ORC5: variants seen among roughly 807,000 people sequenced by gnomAD.
ORC5 encodes protein phosphatase 1, regulatory subunit 117.
In ORC5, 39 loss-of-function variants were observed where a neutral mutation model predicts 58.8. The observed-to-expected ratio is 0.66, with a 90% CI of 0.51 to 0.87. The LOEUF is 0.87. Ranked by LOEUF, ORC5 falls within the 40% of genes least tolerant of loss-of-function variation. The probability of loss-of-function intolerance (pLI) is 0.00; values close to 1 mark genes in which losing one functional copy is unlikely to be tolerated. For synonymous variants in ORC5, 218 were observed against 177.6 expected (o/e 1.23, Z -1.81); for missense variants, 493 against 506.3 (o/e 0.97, Z 0.25).
At chr7:104,141,339 T>C (rs1350561053) in intron 12 of ORC5, among the ~76,000 whole-genome samples, 1 of 152,152 alleles carries the variant, frequency 6.6e-6, no homozygotes, top group Admixed American at 6.5e-5. Context: ...ATTAAGATCA[T>C]CCAATTACCT....
At chr7:104,131,321 CTT>C (rs1228710494) in intron 13 of ORC5, among the ~76,000 whole-genome samples, 6 of 152,184 alleles carry the variant, frequency 3.9e-5, no homozygotes, top group South Asian at 2.1e-4. Context: ...ATCTTTTTCT[CTT>C]GTTATAACGC....
intron 11 of ORC5, among the ~76,000 whole-genome samples, chr7:104,161,957 A>T (rs543249631): frequency 6.6e-6 from 1 of 152,330 alleles, no homozygotes; most frequent in South Asian, 2.1e-4. Context: ...AAAAAGATCA[A>T]TTACAGTAAG....
At chr7:104,195,372 A>G (rs1799776231) in intron 4 of ORC5, 118 bp from the exon 5 acceptor site, 1 of 542,342 alleles carries the variant, frequency 1.8e-6, no homozygotes, top group Non-Finnish European at 3.2e-6. Flanking sequence ...ATAACAAATT[A>G]TTTGCATATT....
intron 8 of ORC5, among the ~76,000 whole-genome samples, chr7:104,171,635 A>C (rs1201632644): frequency 6.6e-6 from 1 of 152,086 alleles, no homozygotes. Context: ...TCTCCTCAAA[A>C]CAGTACTTTC....
At chr7:104,137,962 CA>C (rs1798616427) in intron 12 of ORC5, among the ~76,000 whole-genome samples, 1 of 152,198 alleles carries the variant, frequency 6.6e-6, no homozygotes, top group Non-Finnish European at 1.5e-5. Flanking sequence ...CTATAGATGG[CA>C]AAACTAAAAG....
intron 8 of ORC5, among the ~76,000 whole-genome samples, chr7:104,181,791 C>CA (rs34988883): frequency 0.19 from 16,614 of 85,408 alleles, 1,138 homozygotes; most frequent in Non-Finnish European, 0.23. Context: ...GACTCCGTCT[C>CA]AAAAAAAAAA....
intron 12 of ORC5, among the ~76,000 whole-genome samples, chr7:104,160,146 C>A (rs1008261570): frequency 2.0e-5 from 3 of 152,084 alleles, no homozygotes; most frequent in Non-Finnish European, 4.4e-5. Flanking sequence ...TCTATACATG[C>A]TGACTTTTAT....
chr7:104,134,379 T>G (rs1385848245), intron 13 of ORC5, among the ~76,000 whole-genome samples: 1 of 127,642 alleles, frequency 7.8e-6, no homozygotes, highest in Non-Finnish European at 1.5e-5. Context: ...CGCACTACTG[T>G]ACTCCAGCCT....
In ORC5 at chr7:104,138,454, AAT is replaced by A. The variant is rs1187512465; in HGVS notation, c.1150-1563_1150-1562del. ...GTAGCTGGTTAGATGAGAGATAAGA[AAT>A]ACATCCTTCAGACCTGGGCTTAGTC... On this transcript the variant is annotated intron_variant, in intron 12 of 13. Coordinates refer to ENST00000297431, the MANE Select transcript of ORC5 (RefSeq NM_002553.4). This position sits in a 1 kb window ranked among gnomAD's most constrained non-coding sequence, Gnocchi z 4.7. Among the ~76,000 whole-genome samples the A allele has an allele frequency of 6.6e-6, 1 of 152,122 alleles. No individual in the cohort carries two copies. Among genetic ancestry groups the A allele is most frequent in the African/African-American group, 2.4e-5 (1 of 41,442 alleles).
intron 1 of ORC5, among the ~76,000 whole-genome samples, chr7:104,204,525 C>T (rs1259717262): frequency 6.6e-6 from 1 of 152,164 alleles, no homozygotes; most frequent in Non-Finnish European, 1.5e-5. Context: ...GTATTTTCAA[C>T]TTCATAGCAG....
At chr7:104,157,113 A>C (rs1029233486) in intron 12 of ORC5, among the ~76,000 whole-genome samples, 1 of 152,008 alleles carries the variant, frequency 6.6e-6, no homozygotes, top group African/African-American at 2.4e-5. Flanking sequence ...AAAAGGAGAA[A>C]GAAGAAAACT....
intron 2 of ORC5, chr7:104,202,559 G>T: frequency 2.2e-6 from 1 of 456,350 alleles, no homozygotes; most frequent in Non-Finnish European, 4.4e-6. Flanking sequence ...ATCAGAAGTA[G>T]TAACAATAAT....
At chr7:104,201,292 C>T (rs1006937094) in intron 2 of ORC5, among the ~76,000 whole-genome samples, 2 of 152,114 alleles carry the variant, frequency 1.3e-5, no homozygotes. Context: ...TGGACAGCCC[C>T]TCTTCTAAGG....
intron 5 of ORC5, among the ~76,000 whole-genome samples, chr7:104,192,604 C>T (rs1799700002): frequency 6.6e-6 from 1 of 151,836 alleles, no homozygotes; most frequent in Non-Finnish European, 1.5e-5. Context: ...GTCCAAAACA[C>T]AACAAAAAGC....
rs537957416 is a variant in ORC5, at chr7:104,126,747, A to G, written c.*101T>C. The G allele has an allele frequency of 2.3e-5, 18 of 796,656 alleles. No homozygotes were observed. Among genetic ancestry groups the G allele is most frequent in the African/African-American group, 2.0e-4 (11 of 56,402 alleles). The allele number at this position is 796,656 out of a possible 1,614,324, so 49.3% of individuals were successfully genotyped here. On this transcript the variant is annotated 3_prime_UTR_variant, in exon 14 of 14. Transcript: ENST00000297431. ...GCCAGCACCTGTTTGGACAAATCCAATAGAGCCAAAGAACTCCTCTCCTTG... is the reference window on the plus strand; with the variant it reads ...GCCAGCACCTGTTTGGACAAATCCAGTAGAGCCAAAGAACTCCTCTCCTTG...
chr7:104,177,157 TCTA>T (rs1799339124), intron 8 of ORC5, among the ~76,000 whole-genome samples: 1 of 152,214 alleles, frequency 6.6e-6, no homozygotes, highest in African/African-American at 2.4e-5. Flanking sequence ...TCGTAAGAAA[TCTA>T]CTTATACTTG....
intron 12 of ORC5, among the ~76,000 whole-genome samples, chr7:104,137,907 T>C (rs911953764): frequency 1.3e-5 from 2 of 152,222 alleles, no homozygotes; most frequent in Non-Finnish European, 2.9e-5. Flanking sequence ...AAGCCCTCTC[T>C]CCTTCCAATA....
chr7:104,164,267 T>C (rs1799071272), intron 11 of ORC5, among the ~76,000 whole-genome samples: 1 of 151,852 alleles, frequency 6.6e-6, no homozygotes, highest in East Asian at 1.9e-4. Context: ...CTACAAAAAA[T>C]ACAAAAATTA....
At chr7:104,207,492 C>A (rs1481272986) in intron 1 of ORC5, among the ~76,000 whole-genome samples, 1 of 152,190 alleles carries the variant, frequency 6.6e-6, no homozygotes, top group Non-Finnish European at 1.5e-5. Flanking sequence ...ATAAATAACA[C>A]CCTGCAAACA....
Sources: gnomAD v4.1 joint callset for allele counts (sites outside exome capture counted in the v4.1 genomes callset) on GRCh38, gnomAD v4.1.1 for gene constraint, Gnocchi (gnomAD v3.1) non-coding constraint, MANE v1.5 for transcripts, NCBI Gene and HGNC (gene_info 2026-07-23, HGNC 2026-07-21) for gene names.